The following MOGS variants were observed in gnomAD, a reference collection of about 807,000 sequenced individuals.
MOGS encodes mannosyl-oligosaccharide glucosidase.
A neutral mutation model predicts 68.5 loss-of-function variants in MOGS; 45 were observed. That is an observed-to-expected ratio of 0.66 (90% CI 0.52 to 0.84). The LOEUF is 0.84. Among genes scored for constraint, MOGS ranks in the 40% least tolerant of loss-of-function variants. MOGS has a pLI of 0.00. For synonymous variants in MOGS, 492 were observed against 461.2 expected, an observed-to-expected ratio of 1.07 and a Z score of -0.86; for missense variants, 1,020 against 1,095.0, an observed-to-expected ratio of 0.93 and a Z score of 0.97.
chr2:74,465,141 C>T lies in MOGS; in HGVS notation c.107G>A (p.Gly36Glu). ...GPGRRDGRGGGPRSTAGGVAL... is the reference protein window; with the variant it reads ...GPGRRDGRGGEPRSTAGGVAL... ...CACTCCTCCAGCCGTGCTACGCGGCCCGCCGCCCCGGCCGTCCCGTCGCCC... is the reference window on the plus strand; with the variant it reads ...CACTCCTCCAGCCGTGCTACGCGGCTCGCCGCCCCGGCCGTCCCGTCGCCC... Residue 36 changes from glycine (G) to glutamate (E), a missense_variant, in exon 1 of 4, where the codon GGG becomes GAG. Gly to Glu is a moderately conservative substitution (Grantham distance 98). Transcript: ENST00000448666. 2 of 1,532,330 alleles carry T rather than the reference C, an allele frequency of 1.3e-6. No homozygotes were observed. The highest frequency in any genetic ancestry group is 1.2e-5 in the South Asian group (1 of 83,530). 94.9% of individuals were successfully genotyped at this position (1,532,330 alleles called of 1,614,324 possible).
In MOGS at chr2:74,465,104, G is replaced by T. The variant is rs746881433; in HGVS notation, c.144C>A (p.Val48=). 3.5e-5 allele frequency: 54 copies of T among 1,547,340 alleles called. 1 individual carries two copies. Among genetic ancestry groups the T allele is most frequent in the Middle Eastern group, 3.3e-4 (2 of 6,008 alleles). Residue 48 remains valine, a synonymous_variant, in exon 1 of 4, where the codon GTC becomes GTA. Coordinates refer to ENST00000448666, the MANE Select transcript of MOGS (RefSeq NM_006302.3). The stretch of plus-strand genomic sequence containing the variant: ...TACCCAGGGCCAAAGACAGGACCAC[G>T]ACGGCCAGAGCCACTCCTCCAGCCG... ...RSTAGGVALA[V]VVLSLALGMS...
rs567234260 is a variant in MOGS at position 74,465,300 on chromosome 2, G to A, written c.-53C>T. On this transcript the variant is annotated 5_prime_UTR_variant, in exon 1 of 4. Coordinates refer to ENST00000448666, the MANE Select transcript of MOGS (RefSeq NM_006302.3). The stretch of plus-strand genomic sequence containing the variant: ...GCTCGGAGAGGCGGCAGTGGAGCCC[G>A]GGTCCTGCCTCACCTCTCCGGCTCC... The A allele has an allele frequency of 5.8e-5, 77 of 1,321,420 alleles. No individual in the cohort carries two copies. In the African/African-American group the frequency reaches 9.8e-4, roughly 17 times the overall value. 81.9% of individuals were successfully genotyped at this position (1,321,420 alleles called of 1,614,324 possible).
rs774448630 is a variant in MOGS at position 74,464,880 on chromosome 2, C to T, written c.352+16G>A. On this transcript the variant is annotated intron_variant, in intron 1 of 3. Transcript: ENST00000448666. Reference sequence around the variant, plus strand: ...ATTAGGAGTCCGCCTGCCTGCCCGCCCTGGGGCCCGGTTACCGGTGAGGAG... The same window carrying T: ...ATTAGGAGTCCGCCTGCCTGCCCGCTCTGGGGCCCGGTTACCGGTGAGGAG... 8.1e-6 allele frequency: 13 copies of T among 1,604,088 alleles called. 1 individual carries two copies. In the South Asian group the frequency reaches 1.3e-4, roughly 17 times the overall value.
In MOGS at chr2:74,462,378, G is replaced by A; in HGVS notation, c.1411C>T (p.Leu471Phe). 2 of 1,614,110 alleles carry A rather than the reference G, an allele frequency of 1.2e-6. No homozygotes were observed. The highest frequency in any genetic ancestry group is 1.3e-5 in the African/African-American group (1 of 75,048). ...RWDPSLTREALGHWLGLLNAD... is the reference protein window; with the variant it reads ...RWDPSLTREAFGHWLGLLNAD... ...TTTAGCAGCCCCAGCCAGTGGCCAA[G>A]GGCTTCCCGGGTGAGGGAGGGATCC... is the stretch of plus-strand genomic sequence containing the variant. Residue 471 changes from leucine to phenylalanine, a missense_variant, in exon 4 of 4, where the codon CTT becomes TTT. By Grantham distance (22) the Leu-to-Phe change is conservative. Coordinates refer to ENST00000448666, the MANE Select transcript of MOGS (RefSeq NM_006302.3).
chr2:74,462,087 C>G lies in MOGS; in HGVS notation c.1702G>C (p.Ala568Pro). ...TTGGGGTTCAGTAAGGTTGGTAAGG[C>G]AGGGTCCCGTCCCCGCCAGCGGTAA... ...LSYRWRGRDP[A>P]LPTLLNPKTL... Residue 568 changes from alanine (A) to proline (P), a missense_variant, in exon 4 of 4, where the codon GCC becomes CCC. Ala to Pro is a conservative substitution (Grantham distance 27). Coordinates refer to ENST00000448666, the MANE Select transcript of MOGS (RefSeq NM_006302.3). 6 of 1,614,156 alleles carry G rather than the reference C, an allele frequency of 3.7e-6. No homozygotes were observed. The highest frequency in any genetic ancestry group is 5.1e-6 in the Non-Finnish European group (6 of 1,179,976).
At position 74,461,540 on chromosome 2, in the gene MOGS, C is replaced by T; in HGVS notation, c.2249G>A (p.Trp750Ter). ...GACATTGAGCCACACAGCACCCCGCCAGTAGGGGGGATCATGCTCTGAATT... is the reference window on the plus strand; with the variant it reads ...GACATTGAGCCACACAGCACCCCGCTAGTAGGGGGGATCATGCTCTGAATT... ...QRNSEHDPPY[W>*]RGAVWLNVNY... The change falls in exon 4 of 4, where the codon TGG becomes TAG. Residue 750 changes from tryptophan to a stop codon, truncating the protein, a stop_gained. Coordinates refer to ENST00000448666, the MANE Select transcript of MOGS (RefSeq NM_006302.3). LOFTEE classifies it high-confidence loss of function. 6.2e-7 allele frequency: 1 copy of T among 1,613,986 alleles called. No homozygotes were observed. Among genetic ancestry groups the T allele is most frequent in the Non-Finnish European group, 8.5e-7 (1 of 1,179,924 alleles).
chr2:74,461,783 G>A lies in MOGS; in HGVS notation c.2006C>T (p.Pro669Leu), dbSNP rs368567616. 43 of 1,614,114 alleles carry A rather than the reference G, an allele frequency of 2.7e-5. 1 individual carries two copies. Among genetic ancestry groups the A allele is most frequent in the Non-Finnish European group, 2.8e-5 (33 of 1,180,058 alleles). ...ACCCACCACCCGAACGAGCCCCTGA[G>A]GGGGCCTGGGCTTCAGCTGTACTGC... ...TKAVQLKPRP[P>L]QGLVRVVGRP... Residue 669 changes from proline to leucine, a missense_variant, in exon 4 of 4, where the codon CCT becomes CTT. Transcript: ENST00000448666.
chr2:74,462,505 G>A lies in MOGS; in HGVS notation c.1284C>T (p.Leu428=), dbSNP rs1180010338. ...EGSEQKVDPA[L]FPPVPLFTAV... is the part of the protein sequence containing the mutation. ...CTGTAAAAAGAGGTACGGGTGGAAAGAGGGCTGGGTCCACCTTCTGCTCAG... is the reference window on the plus strand; with the variant it reads ...CTGTAAAAAGAGGTACGGGTGGAAAAAGGGCTGGGTCCACCTTCTGCTCAG... Residue 428 remains leucine (L), a synonymous_variant, in exon 4 of 4, where the codon CTC becomes CTT. Transcript: ENST00000448666. The A allele has an allele frequency of 1.2e-6, 2 of 1,608,052 alleles. No homozygotes were observed. The highest frequency in any genetic ancestry group is 2.2e-5 in the South Asian group (2 of 90,796).
chr2:74,463,610 T>C (rs912589572), intron 2 of MOGS: 38 of 582,218 alleles, frequency 6.5e-5, no homozygotes, highest in Admixed American at 3.8e-4. Flanking sequence ...CAGTATACTT[T>C]TGTACTATGT....
Position 74,462,374 on chromosome 2 carries a change from C to A in MOGS, c.1415G>T (p.Gly472Val). 1 of 1,614,142 alleles carries A rather than the reference C, an allele frequency of 6.2e-7. No homozygotes were observed. The highest frequency in any genetic ancestry group is 8.5e-7 in the Non-Finnish European group (1 of 1,180,022). ...WDPSLTREALGHWLGLLNADG... is the reference protein window; with the variant it reads ...WDPSLTREALVHWLGLLNADG... The stretch of plus-strand genomic sequence containing the variant: ...AGCATTTAGCAGCCCCAGCCAGTGG[C>A]CAAGGGCTTCCCGGGTGAGGGAGGG... The change falls in exon 4 of 4, where the codon GGC becomes GTC. Residue 472 changes from glycine to valine, a missense_variant. Coordinates refer to ENST00000448666, the MANE Select transcript of MOGS (RefSeq NM_006302.3).
In MOGS at chr2:74,463,358, A is replaced by C; in HGVS notation, c.608T>G (p.Val203Gly). ...QDSGTSALPL[V>G]SLFFYVVTDG... is the part of the protein sequence containing the mutation. The stretch of plus-strand genomic sequence containing the variant: ...TGTCACCACATAGAAGAACAGGGAG[A>C]CCAAAGGGAGGGCAGAAGTACCTGA... Residue 203 changes from valine (V) to glycine (G), a missense_variant, in exon 3 of 4, where the codon GTC becomes GGC. Val to Gly is a moderately radical substitution (Grantham distance 109). Around this residue, in one of 3 missense-constraint regions of MOGS, gnomAD observed 569 missense variants for 571.9 expected, o/e 0.99. Coordinates refer to ENST00000448666, the MANE Select transcript of MOGS (RefSeq NM_006302.3). 6.2e-7 allele frequency: 1 copy of C among 1,614,202 alleles called. No individual in the cohort carries two copies. The highest frequency in any genetic ancestry group is 1.6e-4 in the Middle Eastern group (1 of 6,062).
rs768242020 is a variant in MOGS at position 74,461,643 on chromosome 2, G to C, written c.2146C>G (p.Leu716Val). 3 of 1,614,170 alleles carry C rather than the reference G, an allele frequency of 1.9e-6. No homozygotes were observed. The South Asian group carries it at 3.3e-5, about 18-fold the overall frequency. Reference protein sequence around the residue: ...SSRLGPLLDILADSRHLWSPF... With the variant: ...SSRLGPLLDIVADSRHLWSPF... ...CTCCAGAGATGGCGGCTGTCGGCTA[G>C]AATGTCCAGCAGGGGCCCAAGGCGG... is the stretch of plus-strand genomic sequence containing the variant. The change falls in exon 4 of 4, where the codon CTA becomes GTA. Residue 716 changes from leucine to valine, a missense_variant. Physicochemically the swap from Leu to Val is conservative, Grantham distance 32. Coordinates refer to ENST00000448666, the MANE Select transcript of MOGS (RefSeq NM_006302.3).
At chr2:74,463,791 G>C (rs1671996141) in intron 2 of MOGS, 1 of 196,950 alleles carries the variant, frequency 5.1e-6, no homozygotes, top group Admixed American at 5.4e-5. Flanking sequence ...AGCCTCCCGA[G>C]TAGCTGCGAC....
At position 74,461,594 on chromosome 2, in the gene MOGS, G is replaced by A; in HGVS notation, c.2195C>T (p.Ala732Val). 6.2e-7 allele frequency: 1 copy of A among 1,613,954 alleles called. No individual in the cohort carries two copies. The highest frequency in any genetic ancestry group is 2.2e-5 in the East Asian group (1 of 44,886). Reference sequence around the variant, plus strand: ...CTGGCCATAAAAGGAGCTGGAGGCTGCAAGGGAGCGTAAACCAAAGGGGCT... The same window carrying A: ...CTGGCCATAAAAGGAGCTGGAGGCTACAAGGGAGCGTAAACCAAAGGGGCT... The part of the protein sequence containing the change: ...LWSPFGLRSL[A>V]ASSSFYGQRN... Residue 732 changes from alanine to valine, a missense_variant, in exon 4 of 4, where the codon GCA (alanine) becomes GTA (valine). Physicochemically the swap from Ala to Val is moderately conservative, Grantham distance 64. Around this residue, in one of 3 missense-constraint regions of MOGS, gnomAD observed 270 missense variants for 261.3 expected, o/e 1.03. Transcript: ENST00000448666.
intron 2 of MOGS, among the ~76,000 whole-genome samples, chr2:74,464,030 G>A (rs1672001784): frequency 6.7e-6 from 1 of 149,272 alleles, no homozygotes; most frequent in Admixed American, 6.7e-5. Flanking sequence ...CACGATCTCG[G>A]CTCAGCGCAA....
chr2:74,464,489 C>T lies in MOGS; in HGVS notation c.579+7G>A. On this transcript the variant is annotated splice_region_variant and intron_variant, in intron 2 of 3. Coordinates refer to ENST00000448666, the MANE Select transcript of MOGS (RefSeq NM_006302.3). The stretch of plus-strand genomic sequence containing the variant: ...GGGCTGAGAAAAGGGTGTCCTGAGG[C>T]CCTGACCTGAGGCTCTACAGTCACT... The T allele has an allele frequency of 6.2e-7, 1 of 1,613,644 alleles. No individual in the cohort carries two copies. Among genetic ancestry groups the T allele is most frequent in the South Asian group, 1.1e-5 (1 of 91,078 alleles).
chr2:74,465,216 A>G lies in MOGS; in HGVS notation c.32T>C (p.Val11Ala). The G allele has an allele frequency of 6.8e-7, 1 of 1,468,752 alleles. No individual in the cohort carries two copies. The highest frequency in any genetic ancestry group is 1.4e-5 in the South Asian group (1 of 71,112). The allele number at this position is 1,468,752 out of a possible 1,614,324, so 91.0% of individuals were successfully genotyped here. A position where few individuals can be genotyped will look rare whatever the true frequency, so the allele number is the denominator to read the frequency against. Reference protein sequence around the residue: MARGERRRRAVPAEGVRTAER... With the variant: MARGERRRRAAPAEGVRTAER... ...GGCTGTCCGCACTCCCTCTGCCGGC[A>G]CTGCGCGGCGCCGCCGCTCGCCCCG... Residue 11 changes from valine to alanine, a missense_variant, in exon 1 of 4, where the codon GTG (valine) becomes GCG (alanine). Val to Ala is a moderately conservative substitution (Grantham distance 64, BLOSUM62 0). Transcript: ENST00000448666.
rs1296169573 is a variant in MOGS at position 74,461,288 on chromosome 2, GC to G, written c.2500del (p.Ala834LeufsTer21). 6.2e-7 allele frequency: 1 copy of G among 1,614,114 alleles called. No individual in the cohort carries two copies. Among genetic ancestry groups the G allele is most frequent in the Admixed American group, 1.7e-5 (1 of 60,030 alleles). On this transcript the variant is annotated frameshift_variant, in exon 4 of 4. Transcript: ENST00000448666. LOFTEE classifies it high-confidence loss of function. ...GWTSLVLLAM[A>X]EDY ...CTCTCCCTCCCTTCAGTAGTCTTCAGCCATGGCCAGTAAGACAAGGCTGGTC... is the reference window on the plus strand; with the variant it reads ...CTCTCCCTCCCTTCAGTAGTCTTCAGCATGGCCAGTAAGACAAGGCTGGTC...
At position 74,462,810 on chromosome 2, in the gene MOGS, T is replaced by G; in HGVS notation, c.979A>C (p.Lys327Gln). ...ACAAACTCTATGGAAATGGGAATTT[T>G]CAGGGTCACCTGCTGTATCAAGAAC... ...GQFLIQQVTL[K>Q]IPISIEFVFE... Residue 327 changes from lysine (K) to glutamine (Q), a missense_variant, in exon 4 of 4, where the codon AAA becomes CAA. Coordinates refer to ENST00000448666, the MANE Select transcript of MOGS (RefSeq NM_006302.3). The G allele has an allele frequency of 6.2e-7, 1 of 1,614,242 alleles. No homozygotes were observed. The highest frequency in any genetic ancestry group is 8.5e-7 in the Non-Finnish European group (1 of 1,180,044).
Sources: gnomAD v4.1 joint callset for allele counts (sites outside exome capture counted in the v4.1 genomes callset) on GRCh38, gnomAD v4.1.1 for gene constraint, gnomAD v4.1.1 regional missense constraint, MANE v1.5 for transcripts, NCBI Gene and HGNC (gene_info 2026-07-23, HGNC 2026-07-21) for gene names.